The following NSF variants were observed in gnomAD, a reference collection of about 807,000 sequenced individuals.
NSF encodes the protein N-ethylmaleimide sensitive factor, vesicle fusing ATPase.
A neutral mutation model predicts 50.3 loss-of-function variants in NSF; 14 were observed. The ratio of observed to expected loss-of-function variants is 0.28; its 90% confidence interval spans 0.18 to 0.44. NSF has a LOEUF of 0.44. Among genes scored for constraint, NSF ranks in the 20% least tolerant of loss-of-function variants. The pLI, the probability that NSF is intolerant of heterozygous loss-of-function variation, is 1.00. For missense variants in NSF, 218 were observed against 504.3 expected, an observed-to-expected ratio of 0.43 and a Z score of 5.44; for synonymous variants, 109 against 175.7, an observed-to-expected ratio of 0.62 and a Z score of 3.00.
rs567504583 is a variant in NSF at position 46,609,143 on chromosome 17, C to T, written c.13-15101C>T. On this transcript the variant is annotated intron_variant, in intron 1 of 20. Transcript: ENST00000398238. Reference sequence around the variant, plus strand: ...TGAGTAGAAGGATAGTGACTAGGAGCGGGCAGTATGGGATGCTGGTAATGT... The same window carrying T: ...TGAGTAGAAGGATAGTGACTAGGAGTGGGCAGTATGGGATGCTGGTAATGT... Among the ~76,000 whole-genome samples, 50 of 147,578 alleles carry T rather than the reference C, an allele frequency of 3.4e-4. 4 individuals are homozygous for T. Among genetic ancestry groups the T allele is most frequent in the African/African-American group, 1.3e-3 (47 of 37,368 alleles).
At chr17:46,748,188 C>T (rs1342719570) in intron 17 of NSF, among the ~76,000 whole-genome samples, 1 of 152,082 alleles carries the variant, frequency 6.6e-6, no homozygotes, top group Non-Finnish European at 1.5e-5. Context: ...GCTCGGCTCA[C>T]TGCAACTTCT....
At chr17:46,684,359 G>T (rs1598678601) in intron 9 of NSF, among the ~76,000 whole-genome samples, 1 of 148,062 alleles carries the variant, frequency 6.8e-6, no homozygotes, top group Middle Eastern at 3.4e-3. Context: ...TCTTTATCTA[G>T]TCTATCGTTG....
chr17:46,713,709 A>C (rs2058740703), intron 14 of NSF, 144 bp from the exon 15 acceptor site: 1 of 696,028 alleles, frequency 1.4e-6, no homozygotes, highest in South Asian at 1.9e-5. Context: ...AAGAGAAAAC[A>C]TGTCTGCTGT....
intron 17 of NSF, among the ~76,000 whole-genome samples, chr17:46,731,991 T>A (rs934598397): frequency 1.3e-5 from 2 of 152,220 alleles, no homozygotes; most frequent in Non-Finnish European, 2.9e-5. Flanking sequence ...TATTAGTCAT[T>A]GTAAAATGGA....
At chr17:46,626,279 G>A (rs948692695) in intron 2 of NSF, among the ~76,000 whole-genome samples, 2 of 95,328 alleles carry the variant, frequency 2.1e-5, no homozygotes, top group Non-Finnish European at 3.7e-5. Context: ...CTCAGGAGAG[G>A]AAATGCATCT....
At chr17:46,753,767 C>T (rs1047495631) in intron 19 of NSF, among the ~76,000 whole-genome samples, 2 of 152,150 alleles carry the variant, frequency 1.3e-5, no homozygotes, top group African/African-American at 2.4e-5. Context: ...TGATCTTCAG[C>T]GACTGACATT....
At chr17:46,737,852 C>G (rs2059024189) in intron 17 of NSF, among the ~76,000 whole-genome samples, 1 of 151,780 alleles carries the variant, frequency 6.6e-6, no homozygotes, top group Admixed American at 6.6e-5. Flanking sequence ...CTAAGGAATT[C>G]AAGCGCTGCA....
intron 8 of NSF, among the ~76,000 whole-genome samples, chr17:46,662,095 G>A (rs28668315): frequency 4.2e-5 from 4 of 95,826 alleles, no homozygotes; most frequent in Admixed American, 1.2e-4. Context: ...CACCCGCCTC[G>A]GCCTCCCAAA....
At chr17:46,753,848 T>C (rs1481590739) in intron 19 of NSF, among the ~76,000 whole-genome samples, 1 of 152,230 alleles carries the variant, frequency 6.6e-6, no homozygotes, top group Non-Finnish European at 1.5e-5. Flanking sequence ...TCTCTTTAGA[T>C]CTGCCTTAGA....
At chr17:46,636,674 G>GT (rs2058191307) in intron 4 of NSF, among the ~76,000 whole-genome samples, 1 of 122,770 alleles carries the variant, frequency 8.1e-6, no homozygotes, top group Non-Finnish European at 1.6e-5. Context: ...CACCTTAGCT[G>GT]TTTTTTTGTG....
chr17:46,719,863 AAATT>A lies in NSF; in HGVS notation c.1761+5880_1761+5883del, dbSNP rs554848219. Among the ~76,000 whole-genome samples, 66 of 152,246 alleles carry A rather than the reference AAATT, an allele frequency of 4.3e-4. No individual in the cohort carries two copies. The highest frequency in any genetic ancestry group is 9.8e-4 in the Admixed American group (15 of 15,286). ...CAGATAGAACTAAATTGTTTGAACA[AAATT>A]AAGTAAAACTACCAGTGATTTATAA... On this transcript the variant is annotated intron_variant, in intron 15 of 20. Transcript: ENST00000398238. This position sits in a 1 kb window ranked among gnomAD's most constrained non-coding sequence, Gnocchi z 4.3.
At chr17:46,631,105 C>CACACAT (rs1491185367) in intron 4 of NSF, among the ~76,000 whole-genome samples, 41 of 145,410 alleles carry the variant, frequency 2.8e-4, no homozygotes, top group Non-Finnish European at 2.1e-4. Context: ...CACACACACA[C>CACACAT]ATCTTTTATC....
At chr17:46,688,324 A>G (rs2058512175) in intron 9 of NSF, among the ~76,000 whole-genome samples, 1 of 150,438 alleles carries the variant, frequency 6.6e-6, no homozygotes, top group African/African-American at 2.5e-5. Flanking sequence ...CAGCCTGGGC[A>G]ACATAGTGAG....
At chr17:46,744,458 C>T (rs950968485) in intron 17 of NSF, among the ~76,000 whole-genome samples, 5 of 152,210 alleles carry the variant, frequency 3.3e-5, no homozygotes, top group Non-Finnish European at 5.9e-5. Context: ...CAATTGTTCA[C>T]AGTTAATTCT....
chr17:46,722,197 T>C (rs879104534), intron 15 of NSF: 1 of 1,592,714 alleles, frequency 6.3e-7, no homozygotes, highest in African/African-American at 1.3e-5. Flanking sequence ...TTGCAGCGCC[T>C]GCTTAGGAAG....
chr17:46,755,483 C>T (rs934089962), intron 20 of NSF, 114 bp downstream of exon 20: 1 of 949,212 alleles, frequency 1.1e-6, no homozygotes, highest in Admixed American at 2.0e-5. Context: ...TATTTGAATT[C>T]TTCGCTGTGT....
chr17:46,755,657 A>T, intron 20 of NSF, 145 bp from the exon 21 acceptor site: 1 of 855,908 alleles, frequency 1.2e-6, no homozygotes, highest in Non-Finnish European at 1.8e-6. Flanking sequence ...TTCTTTTGTG[A>T]AGTGCTCATC....
intron 19 of NSF, among the ~76,000 whole-genome samples, chr17:46,752,144 A>G (rs747870321): frequency 2.6e-5 from 4 of 152,222 alleles, no homozygotes; most frequent in Non-Finnish European, 5.9e-5. Flanking sequence ...TAGAAATTTC[A>G]TGCAAACTAC....
intron 19 of NSF, among the ~76,000 whole-genome samples, chr17:46,753,051 G>C (rs2059197959): frequency 6.6e-6 from 1 of 152,250 alleles, no homozygotes; most frequent in Admixed American, 6.5e-5. Context: ...TTACAGGTGT[G>C]AGCCACTGCG....
Sources: gnomAD v4.1 joint callset for allele counts (sites outside exome capture counted in the v4.1 genomes callset) on GRCh38, gnomAD v4.1.1 for gene constraint, Gnocchi (gnomAD v3.1) non-coding constraint, MANE v1.5 for transcripts, NCBI Gene and HGNC (gene_info 2026-07-23, HGNC 2026-07-21) for gene names.